Variants in CMTM8 observed in about 807,000 individuals in gnomAD.
The protein encoded by CMTM8 is CKLF like MARVEL transmembrane domain containing 8, also known as CKLF-like MARVEL transmembrane domain-containing protein 8.
A neutral mutation model predicts 18.6 loss-of-function variants in CMTM8; 12 were observed. That is an observed-to-expected ratio of 0.65 (90% confidence interval 0.41 to 1.05). CMTM8 has a LOEUF of 1.05. Among genes scored for constraint, CMTM8 ranks in the 50% least tolerant of loss-of-function variants. The probability of loss-of-function intolerance (pLI) is 0.00; values close to 1 mark genes in which losing one functional copy is unlikely to be tolerated. For missense variants in CMTM8, 217 were observed against 227.2 expected, an observed-to-expected ratio of 0.95 and a Z score of 0.29; for synonymous variants, 87 against 90.6, an observed-to-expected ratio of 0.96 and a Z score of 0.23.
chr3:32,353,690 G>A (rs759483268), intron 1 of CMTM8, among the ~76,000 whole-genome samples: 2 of 152,104 alleles, frequency 1.3e-5, no homozygotes, highest in Non-Finnish European at 2.9e-5. Flanking sequence ...GCCAGAAAGG[G>A]TAAATACAAA....
Position 32,347,563 on chromosome 3 carries a change from G to A in CMTM8, c.148-9810G>A, listed in dbSNP as rs555932366. Among the ~76,000 whole-genome samples the A allele has an allele frequency of 3.3e-5, 5 of 152,244 alleles. No homozygotes were observed. The East Asian group carries it at 9.7e-4, about 29-fold the overall frequency. ...GGGCTTGGGGCCTCAGTACTCTCAAGGGCCGGGCTTTGTAGCTAATTTTGT... is the reference window on the plus strand; with the variant it reads ...GGGCTTGGGGCCTCAGTACTCTCAAAGGCCGGGCTTTGTAGCTAATTTTGT... On this transcript the variant is annotated intron_variant, in intron 1 of 3. Coordinates refer to ENST00000307526, the MANE Select transcript of CMTM8 (RefSeq NM_178868.5).
chr3:32,241,173 G>A (rs73067531), intron 1 of CMTM8, among the ~76,000 whole-genome samples: 12,783 of 152,112 alleles, frequency 0.084, 826 homozygotes, highest in East Asian at 0.22. Context: ...TCTAAACAAC[G>A]TGTTTATAAT....
intron 1 of CMTM8, among the ~76,000 whole-genome samples, chr3:32,249,979 ACT>A (rs1702091710): frequency 6.6e-6 from 1 of 151,904 alleles, no homozygotes; most frequent in South Asian, 2.1e-4. Context: ...ACAAAGATAT[ACT>A]CTCTATTTTC....
intron 1 of CMTM8, among the ~76,000 whole-genome samples, chr3:32,239,903 A>G (rs554542897): frequency 6.6e-6 from 1 of 151,962 alleles, no homozygotes; most frequent in Non-Finnish European, 1.5e-5. Context: ...TAATCCAACG[A>G]CCACCCTCCC....
At chr3:32,293,856 A>AAACT (rs1423421390) in intron 1 of CMTM8, among the ~76,000 whole-genome samples, 1 of 152,148 alleles carries the variant, frequency 6.6e-6, no homozygotes, top group Non-Finnish European at 1.5e-5. Flanking sequence ...ATAAATAAAC[A>AAACT]AACTGTGCTC....
intron 1 of CMTM8, among the ~76,000 whole-genome samples, chr3:32,331,389 C>T (rs1357631058): frequency 6.6e-6 from 1 of 152,058 alleles, no homozygotes; most frequent in Admixed American, 6.5e-5. Context: ...GATGAGGCCG[C>T]TCTGGAAAAC....
intron 1 of CMTM8, among the ~76,000 whole-genome samples, chr3:32,334,565 C>T (rs1410409862): frequency 1.3e-5 from 2 of 151,380 alleles, no homozygotes; most frequent in Admixed American, 6.6e-5. Flanking sequence ...GAGATCGCAC[C>T]ACTGCACTCC....
chr3:32,365,676 A>G (rs1252008410), intron 2 of CMTM8, among the ~76,000 whole-genome samples: 1 of 152,068 alleles, frequency 6.6e-6, no homozygotes, highest in Non-Finnish European at 1.5e-5. Flanking sequence ...AACTCCTGAC[A>G]TCTCAGGTGA....
intron 1 of CMTM8, among the ~76,000 whole-genome samples, chr3:32,263,833 C>G (rs994165645): frequency 6.6e-6 from 1 of 151,838 alleles, no homozygotes; most frequent in African/African-American, 2.4e-5. Flanking sequence ...TTCGATCAAC[C>G]GGAAGAAAGG....
At chr3:32,337,086 C>T (rs1696403870) in intron 1 of CMTM8, among the ~76,000 whole-genome samples, 1 of 152,092 alleles carries the variant, frequency 6.6e-6, no homozygotes, top group South Asian at 2.1e-4. Context: ...TAACAAACCT[C>T]CTCCCGAGAT....
At chr3:32,322,376 G>C (rs1696074165) in intron 1 of CMTM8, among the ~76,000 whole-genome samples, 1 of 152,184 alleles carries the variant, frequency 6.6e-6, no homozygotes, top group Non-Finnish European at 1.5e-5. Flanking sequence ...TTTGGAGTCA[G>C]TGAGGAGCAG....
chr3:32,351,711 C>CA (rs144533624), intron 1 of CMTM8, among the ~76,000 whole-genome samples: 4,486 of 134,436 alleles, frequency 0.033, 74 homozygotes, highest in East Asian at 0.12. Context: ...GACCCTGTCT[C>CA]AAAAAAAAAA....
intron 1 of CMTM8, among the ~76,000 whole-genome samples, chr3:32,297,290 T>C (rs2125560386): frequency 6.6e-6 from 1 of 152,292 alleles, no homozygotes; most frequent in East Asian, 1.9e-4. Context: ...GTGATTCTCC[T>C]GCCTCAGCCT....
upstream of CMTM8, chr3:32,238,264 T>G (rs544460433): frequency 2.0e-5 from 3 of 152,310 alleles, no homozygotes; most frequent in African/African-American, 7.2e-5. Context: ...TTCCACAGCA[T>G]TCGAGGTACC....
At chr3:32,335,041 C>A (rs1276685277) in intron 1 of CMTM8, among the ~76,000 whole-genome samples, 1 of 152,216 alleles carries the variant, frequency 6.6e-6, no homozygotes, top group Non-Finnish European at 1.5e-5. Context: ...CAGTGTCTAC[C>A]TGAGTGCCTC....
chr3:32,352,300 C>G (rs1169463081), intron 1 of CMTM8, among the ~76,000 whole-genome samples: 1 of 151,722 alleles, frequency 6.6e-6, no homozygotes, highest in Non-Finnish European at 1.5e-5. Flanking sequence ...GCTCTACTGT[C>G]CTCGACACTG....
intron 1 of CMTM8, among the ~76,000 whole-genome samples, chr3:32,273,401 A>G (rs367682430): frequency 2.0e-5 from 3 of 152,216 alleles, no homozygotes; most frequent in African/African-American, 7.2e-5. Flanking sequence ...TGTTCATCGC[A>G]GCATTATTCA....
chr3:32,302,660 A>G (rs966940159), intron 1 of CMTM8, among the ~76,000 whole-genome samples: 3 of 152,200 alleles, frequency 2.0e-5, no homozygotes, highest in Admixed American at 6.5e-5. Context: ...TTTCAAGCCC[A>G]GAGAAGAAAT....
At chr3:32,268,012 C>T (rs1449123616) in intron 1 of CMTM8, among the ~76,000 whole-genome samples, 1 of 152,146 alleles carries the variant, frequency 6.6e-6, no homozygotes, top group African/African-American at 2.4e-5. Context: ...TAAACTAGTT[C>T]AACCATTGCA....
Sources: allele counts gnomAD v4.1 joint callset (sites outside exome capture counted in the v4.1 genomes callset), GRCh38; gene constraint gnomAD v4.1.1; transcripts MANE v1.5; gene names NCBI Gene and HGNC (gene_info 2026-07-23, HGNC 2026-07-21).